TMEM209: variants seen among roughly 807,000 people sequenced by gnomAD.
The protein encoded by TMEM209 is testicular tissue protein Li 202.
A neutral mutation model predicts 76.2 loss-of-function variants in TMEM209; 65 were observed. That is an observed-to-expected ratio of 0.85 (90% CI 0.70 to 1.05). The LOEUF (loss-of-function observed/expected upper bound fraction) is 1.05. Ranked by LOEUF, TMEM209 falls within the 50% of genes least tolerant of loss-of-function variation. TMEM209 has a pLI of 0.00. For synonymous variants in TMEM209, 239 were observed against 237.6 expected, an observed-to-expected ratio of 1.01 and a Z score of -0.06; for missense variants, 623 against 685.5, an observed-to-expected ratio of 0.91 and a Z score of 1.02.
chr7:130,198,358 C>T (rs908526983), intron 5 of TMEM209, among the ~76,000 whole-genome samples: 1 of 151,444 alleles, frequency 6.6e-6, no homozygotes, highest in East Asian at 1.9e-4. Flanking sequence ...TGCCTGTAAT[C>T]CCAGCACTTT....
At chr7:130,181,956 T>C (rs1183347737) in intron 8 of TMEM209, 4 of 351,354 alleles carry the variant, frequency 1.1e-5, no homozygotes, top group Admixed American at 3.9e-5. Flanking sequence ...TTTTTTTTTT[T>C]CGAGATGGAG....
chr7:130,189,159 T>C (rs1797710433), intron 6 of TMEM209, among the ~76,000 whole-genome samples: 1 of 152,086 alleles, frequency 6.6e-6, no homozygotes, highest in Non-Finnish European at 1.5e-5. Flanking sequence ...TGAACACCCA[T>C]AGTATCTTAA....
chr7:130,167,032 A>G (rs1237324453), intron 14 of TMEM209, among the ~76,000 whole-genome samples: 1 of 152,168 alleles, frequency 6.6e-6, no homozygotes, highest in Non-Finnish European at 1.5e-5. Context: ...GTCTGAGGGA[A>G]TAAGAGGGCT....
intron 6 of TMEM209, among the ~76,000 whole-genome samples, chr7:130,186,390 A>C (rs766086855): frequency 6.6e-6 from 1 of 152,204 alleles, no homozygotes; most frequent in Non-Finnish European, 1.5e-5. Flanking sequence ...TGAATGTTTC[A>C]TGCTGGCATA....
At chr7:130,175,827 C>A (rs1266082947) in intron 10 of TMEM209, among the ~76,000 whole-genome samples, 7 of 151,938 alleles carry the variant, frequency 4.6e-5, no homozygotes, top group Non-Finnish European at 1.0e-4. Context: ...TATCTGACTA[C>A]TATTTTGGCT....
rs1356785179 is a variant in TMEM209, at chr7:130,186,828, G to A, written c.776-1461C>T. ...AACAACAGCACACAATCTATAGCTGGAGAACCTCAAAGACCTAAGAGTCAA... is the reference window on the plus strand; with the variant it reads ...AACAACAGCACACAATCTATAGCTGAAGAACCTCAAAGACCTAAGAGTCAA... On this transcript the variant is annotated intron_variant, in intron 6 of 14. Transcript: ENST00000397622. Among the ~76,000 whole-genome samples, 2 of 152,050 alleles carry A rather than the reference G, an allele frequency of 1.3e-5. 1 individual carries two copies. The highest frequency in any genetic ancestry group is 3.9e-4 in the East Asian group (2 of 5,190).
intron 7 of TMEM209, among the ~76,000 whole-genome samples, chr7:130,184,606 C>T (rs1036599438): frequency 6.6e-6 from 1 of 151,940 alleles, no homozygotes; most frequent in Admixed American, 6.6e-5. Context: ...AATCCTCCCG[C>T]CTCAGCCTCC....
chr7:130,168,417 C>T (rs983829601), intron 14 of TMEM209, among the ~76,000 whole-genome samples: 13 of 152,096 alleles, frequency 8.5e-5, no homozygotes, highest in Middle Eastern at 3.4e-3. Flanking sequence ...AAATCAAATC[C>T]GAAACACTCC....
In TMEM209 at chr7:130,192,811, T is replaced by TA; in HGVS notation, c.585dup (p.Ser196Ter). On this transcript the variant is annotated frameshift_variant, in exon 6 of 15. Coordinates refer to ENST00000397622, the MANE Select transcript of TMEM209 (RefSeq NM_032842.4). LOFTEE classifies it high-confidence loss of function. The stretch of plus-strand genomic sequence containing the variant: ...GGGTACGGAGAAGGAGGAGAGGGGC[T>TA]AAAGCTCGCCAACTATACAAAATAA... 1 of 1,613,838 alleles carries TA rather than the reference T, an allele frequency of 6.2e-7. No homozygotes were observed.
intron 9 of TMEM209, among the ~76,000 whole-genome samples, chr7:130,180,495 A>C (rs537771121): frequency 1.3e-5 from 2 of 151,818 alleles, no homozygotes; most frequent in African/African-American, 4.8e-5. Context: ...CAGCCTCCCG[A>C]GTAGCTGGGA....
intron 10 of TMEM209, 25 bp from the exon 11 acceptor site, chr7:130,175,634 A>G: frequency 6.3e-7 from 1 of 1,580,200 alleles, no homozygotes; most frequent in Non-Finnish European, 8.6e-7. Context: ...TGAAATTTTT[A>G]AAAGCTAAGA....
intron 8 of TMEM209, 49 bp downstream of exon 8, chr7:130,184,135 G>T: frequency 8.1e-7 from 1 of 1,239,230 alleles, no homozygotes; most frequent in Non-Finnish European, 1.1e-6. Flanking sequence ...AACATGCTTT[G>T]CATATTAAGA....
In TMEM209 at chr7:130,192,712, G is replaced by C; in HGVS notation, c.685C>G (p.Pro229Ala). Residue 229 changes from proline (P) to alanine (A), a missense_variant, in exon 6 of 15, where the codon CCT becomes GCT. Transcript: ENST00000397622. ...GTCATGTAGTCTTCTTTGTCAGTAG[G>C]TGAGTTGTAGACGGTAGGTGAAGAA... is the stretch of plus-strand genomic sequence containing the variant. ...YRSSPTVYNS[P>A]TDKEDYMTDL... 1 of 1,613,842 alleles carries C rather than the reference G, an allele frequency of 6.2e-7. No homozygotes were observed. The highest frequency in any genetic ancestry group is 1.1e-5 in the South Asian group (1 of 91,084).
intron 8 of TMEM209, 62 bp downstream of exon 8, chr7:130,184,114 GATATTCTA>G: frequency 9.5e-7 from 1 of 1,052,954 alleles, no homozygotes; most frequent in South Asian, 1.5e-5. Flanking sequence ...AACTCTAAAT[GATATTCTA>G]ATAACATGCT....
chr7:130,186,602 T>A (rs1797606183), intron 6 of TMEM209, among the ~76,000 whole-genome samples: 2 of 152,222 alleles, frequency 1.3e-5, no homozygotes, highest in Admixed American at 1.3e-4. Flanking sequence ...TTATTAACTT[T>A]AAGAAACGTA....
chr7:130,202,160 G>C, intron 4 of TMEM209, 69 bp from the exon 5 acceptor site: 6 of 1,515,418 alleles, frequency 4.0e-6, no homozygotes, highest in Non-Finnish European at 5.3e-6. Context: ...ATATATTTAA[G>C]CAACTAAGTC....
chr7:130,173,146 G>A (rs1797128002), intron 13 of TMEM209, among the ~76,000 whole-genome samples: 1 of 151,900 alleles, frequency 6.6e-6, no homozygotes, highest in Admixed American at 6.6e-5. Flanking sequence ...AGGTGCACAG[G>A]ACCAGCCTGA....
chr7:130,186,513 T>G (rs1797602553), intron 6 of TMEM209, among the ~76,000 whole-genome samples: 1 of 152,174 alleles, frequency 6.6e-6, no homozygotes, highest in Non-Finnish European at 1.5e-5. Context: ...AATGATTTAA[T>G]AAATAGAGAA....
chr7:130,204,037 C>G lies in TMEM209; in HGVS notation c.77G>C (p.Arg26Thr), dbSNP rs750811961. The G allele has an allele frequency of 6.2e-7, 1 of 1,613,520 alleles. No homozygotes were observed. The highest frequency in any genetic ancestry group is 8.5e-7 in the Non-Finnish European group (1 of 1,179,674). Residue 26 changes from arginine to threonine, a missense_variant, in exon 2 of 15, where the codon AGG (arginine) becomes ACG (threonine). Physicochemically the swap from Arg to Thr is moderately conservative, Grantham distance 71. Transcript: ENST00000397622. The stretch of plus-strand genomic sequence containing the variant: ...GAGTCCCCAGGCTAAGACCACTTTC[C>G]TAGCCTCTGTTTCTTTTCTCATCTT... The part of the protein sequence containing the change: ...TIKMRKETEA[R>T]KVVLAWGLLN...
Sources: gnomAD v4.1 joint callset for allele counts (sites outside exome capture counted in the v4.1 genomes callset) on GRCh38, gnomAD v4.1.1 for gene constraint, MANE v1.5 for transcripts, NCBI Gene and HGNC (gene_info 2026-07-23, HGNC 2026-07-21) for gene names.